Variants in LRP1B observed in about 807,000 individuals in gnomAD.
LRP1B encodes LDL receptor related protein 1B.
A neutral mutation model predicts 556.6 loss-of-function variants in LRP1B; 217 were observed. That is an observed-to-expected ratio of 0.39 (90% confidence interval 0.35 to 0.44). The LOEUF (loss-of-function observed/expected upper bound fraction) is 0.44. LRP1B is among the 20% of genes least tolerant of loss of function. The pLI, the probability that LRP1B is intolerant of heterozygous loss-of-function variation, is 1.00. For missense variants in LRP1B, 5,053 were observed against 5,620.8 expected (o/e 0.90, Z 3.23); for synonymous variants, 2,047 against 1,865.8 (o/e 1.10, Z -2.50).
intron 1 of LRP1B, among the ~76,000 whole-genome samples, chr2:141,832,039 T>C (rs564523046): frequency 1.3e-5 from 2 of 151,800 alleles, no homozygotes; most frequent in South Asian, 2.1e-4. Context: ...CTAGTCTACA[T>C]TTACACTGTA....
chr2:141,088,024 A>G (rs938501178), intron 7 of LRP1B, among the ~76,000 whole-genome samples: 23 of 152,196 alleles, frequency 1.5e-4, no homozygotes, highest in African/African-American at 5.5e-4. Context: ...TTCTAAATCC[A>G]GTTATTTTTC....
chr2:140,356,273 A>G lies in LRP1B; in HGVS notation c.11530+69T>C. On this transcript the variant is annotated intron_variant, in intron 75 of 90. Transcript: ENST00000389484. The stretch of plus-strand genomic sequence containing the variant: ...AAAGTCAATCCCCTGTGATCTCACA[A>G]TTTAGAAGTCTTGGGAATCTTCATA... 4.7e-6 allele frequency: 7 copies of G among 1,497,780 alleles called. No homozygotes were observed. The South Asian group carries it at 8.0e-5, about 17-fold the overall frequency. The allele number at this position is 1,497,780 out of a possible 1,614,324, so 92.8% of individuals were successfully genotyped here. A position where few individuals can be genotyped will look rare whatever the true frequency, so the allele number is the denominator to read the frequency against.
chr2:140,598,549 T>C, intron 43 of LRP1B, 82 bp downstream of exon 43: 2 of 1,033,690 alleles, frequency 1.9e-6, no homozygotes, highest in South Asian at 2.9e-5. Context: ...CCTTGATATG[T>C]ACATTTTAGG....
At chr2:141,557,640 T>C (rs1686008495) in intron 2 of LRP1B, among the ~76,000 whole-genome samples, 1 of 151,898 alleles carries the variant, frequency 6.6e-6, no homozygotes, top group South Asian at 2.1e-4. Flanking sequence ...GCACAGCAGA[T>C]CCAGACATCC....
intron 3 of LRP1B, among the ~76,000 whole-genome samples, chr2:141,422,982 C>T (rs1376456446): frequency 6.6e-6 from 1 of 152,048 alleles, no homozygotes; most frequent in Non-Finnish European, 1.5e-5. Context: ...AGTTGAAAGT[C>T]AGATGAAAAT....
chr2:140,688,379 C>T (rs922596293), intron 41 of LRP1B, among the ~76,000 whole-genome samples: 2 of 152,114 alleles, frequency 1.3e-5, no homozygotes, highest in African/African-American at 2.4e-5. Context: ...TTCACCATCA[C>T]ATATAGATTG....
intron 16 of LRP1B, among the ~76,000 whole-genome samples, chr2:140,992,867 G>A (rs1697133345): frequency 6.6e-6 from 1 of 151,922 alleles, no homozygotes; most frequent in Non-Finnish European, 1.5e-5. Flanking sequence ...ATATTAATGG[G>A]TCTGAAAATA....
intron 20 of LRP1B, among the ~76,000 whole-genome samples, chr2:140,944,636 A>G (rs1273846298): frequency 1.3e-5 from 2 of 152,158 alleles, no homozygotes; most frequent in Admixed American, 1.3e-4. Flanking sequence ...GTGAACCACC[A>G]CATAAACAGA....
intron 12 of LRP1B, among the ~76,000 whole-genome samples, chr2:141,018,235 A>T (rs925707573): frequency 1.3e-5 from 2 of 152,124 alleles, no homozygotes; most frequent in African/African-American, 4.8e-5. Flanking sequence ...GAATGTAATT[A>T]TCTGATGAAG....
intron 6 of LRP1B, among the ~76,000 whole-genome samples, chr2:141,204,174 T>C (rs1682166232): frequency 6.6e-6 from 1 of 152,190 alleles, no homozygotes; most frequent in Non-Finnish European, 1.5e-5. Context: ...TTGTCAAAAT[T>C]AATTACATAA....
chr2:141,024,678 T>C (rs1433802819), intron 11 of LRP1B, among the ~76,000 whole-genome samples: 1 of 152,052 alleles, frequency 6.6e-6, no homozygotes, highest in Non-Finnish European at 1.5e-5. Context: ...GTTTGCCTGT[T>C]TTTGTTCCAT....
intron 2 of LRP1B, among the ~76,000 whole-genome samples, chr2:141,568,770 T>G (rs1686425461): frequency 6.6e-6 from 1 of 151,320 alleles, no homozygotes; most frequent in East Asian, 1.9e-4. Context: ...TAGTTAGTTT[T>G]TGAGATGGAG....
intron 2 of LRP1B, among the ~76,000 whole-genome samples, chr2:141,735,305 A>T (rs568563142): frequency 1.1e-4 from 16 of 151,876 alleles, no homozygotes; most frequent in African/African-American, 3.9e-4. Flanking sequence ...GAATAAGTAA[A>T]ACAGTTAGAG....
chr2:141,988,995 T>TAATA lies in LRP1B; in HGVS notation c.82+141649_82+141652dup, dbSNP rs139507249. On this transcript the variant is annotated intron_variant, in intron 1 of 90. Transcript: ENST00000389484. Reference sequence around the variant, plus strand: ...ATGTGTTAAGAATTTCACCTATCAGTAATACCAAACTAATTTACTTTAAAA... The same window carrying TAATA: ...ATGTGTTAAGAATTTCACCTATCAGTAATAAATACCAAACTAATTTACTTTAAAA... Among the ~76,000 whole-genome samples, 292 of 152,184 alleles carry TAATA rather than the reference T, an allele frequency of 1.9e-3. 1 individual carries two copies. Among genetic ancestry groups the TAATA allele is most frequent in the African/African-American group, 6.5e-3 (272 of 41,560 alleles).
chr2:141,767,111 G>C (rs951646988), intron 2 of LRP1B, among the ~76,000 whole-genome samples: 4 of 151,996 alleles, frequency 2.6e-5, no homozygotes, highest in Admixed American at 2.0e-4. Context: ...GCAAAAAGCC[G>C]TGATAGAACA....
intron 3 of LRP1B, among the ~76,000 whole-genome samples, chr2:141,356,867 CTTT>C (rs2105553843): frequency 6.6e-6 from 1 of 152,042 alleles, no homozygotes; most frequent in Non-Finnish European, 1.5e-5. Context: ...CCACTCAAAG[CTTT>C]TTTCTTATTA....
At chr2:141,553,889 TATATCTATATTAATATA>T (rs1685853421) in intron 2 of LRP1B, among the ~76,000 whole-genome samples, 3 of 112,300 alleles carry the variant, frequency 2.7e-5, no homozygotes, top group Non-Finnish European at 4.1e-5. Context: ...AGTTATATAA[TATATCTATATTAATATA>T]GTTATATAAT....
chr2:141,707,629 T>A (rs1172817679), intron 2 of LRP1B, among the ~76,000 whole-genome samples: 2 of 152,194 alleles, frequency 1.3e-5, no homozygotes, highest in Non-Finnish European at 2.9e-5. Context: ...TTCTTTATGT[T>A]CTTTGGTCAA....
rs367588350 is a variant in LRP1B at position 140,270,254 on chromosome 2, A to C, written c.13235T>G (p.Val4412Gly). The C allele has an allele frequency of 6.2e-7, 1 of 1,610,894 alleles. No individual in the cohort carries two copies. The highest frequency in any genetic ancestry group is 8.5e-7 in the Non-Finnish European group (1 of 1,177,562). The change falls in exon 86 of 91, where the codon GTA becomes GGA. Residue 4412 changes from valine to glycine, a missense_variant. Val to Gly is a moderately radical substitution (Grantham distance 109). Transcript: ENST00000389484. ...GTCQLDPETN[V>G]PVCLCSTNWS... ...ATTAAATACTCACAGACACACAGGT[A>C]CATTTGTCTCGGGGTCCAGCTGGCA... is the stretch of plus-strand genomic sequence containing the variant.
Sources: allele counts gnomAD v4.1 joint callset (sites outside exome capture counted in the v4.1 genomes callset), GRCh38; gene constraint gnomAD v4.1.1; transcripts MANE v1.5; gene names NCBI Gene and HGNC (gene_info 2026-07-23, HGNC 2026-07-21).